The following ARHGAP32 variants were observed in gnomAD, a reference collection of about 807,000 sequenced individuals.
ARHGAP32 encodes the protein rho GTPase-activating protein 32.
Under a neutral mutation model 186.5 loss-of-function variants are expected in ARHGAP32, and 51 were observed. The ratio of observed to expected loss-of-function variants is 0.27; its 90% CI spans 0.22 to 0.35. The LOEUF is 0.35. ARHGAP32 is among the 10% of genes least tolerant of loss of function. The pLI, the probability that ARHGAP32 is intolerant of heterozygous loss-of-function variation, is 1.00. For missense variants in ARHGAP32, 2,186 were observed against 2,623.5 expected, an observed-to-expected ratio of 0.83 and a Z score of 3.64; for synonymous variants, 950 against 964.3, an observed-to-expected ratio of 0.99 and a Z score of 0.27.
chr11:129,240,585 G>A (rs546659923), intron 1 of ARHGAP32, among the ~76,000 whole-genome samples: 1 of 152,180 alleles, frequency 6.6e-6, no homozygotes, highest in African/African-American at 2.4e-5. Context: ...TACTCTTGCG[G>A]GCCAAAGCTG....
chr11:129,220,094 G>C (rs898438977), intron 1 of ARHGAP32, among the ~76,000 whole-genome samples: 5 of 152,154 alleles, frequency 3.3e-5, no homozygotes, highest in Admixed American at 3.3e-4. Flanking sequence ...AACTAGATCA[G>C]ACAGACCAGA....
intron 6 of ARHGAP32, among the ~76,000 whole-genome samples, chr11:129,079,444 T>A (rs774005899): frequency 3.0e-4 from 46 of 152,204 alleles, no homozygotes; most frequent in Admixed American, 2.4e-3. Flanking sequence ...AGCCTCTCTT[T>A]AGCCTCCTGA....
rs140986676 is a variant in ARHGAP32 at position 129,093,228 on chromosome 11, T to C, written c.531+393A>G. The stretch of plus-strand genomic sequence containing the variant: ...ATCATTTAATGTAGTGATCAATAAA[T>C]ATCTTTCCTTTAGTCTTAATAAAAG... On this transcript the variant is annotated intron_variant, in intron 6 of 22. Coordinates refer to ENST00000682385, the MANE Select transcript of ARHGAP32 (RefSeq NM_001378024.1). Among the ~76,000 whole-genome samples the C allele has an allele frequency of 3.6e-3, 545 of 152,186 alleles. 1 individual carries two copies. Among genetic ancestry groups the C allele is most frequent in the African/African-American group, 0.012 (511 of 41,576 alleles).
intron 15 of ARHGAP32, among the ~76,000 whole-genome samples, chr11:128,983,738 G>T (rs1041336913): frequency 6.6e-6 from 1 of 151,376 alleles, no homozygotes; most frequent in Admixed American, 6.6e-5. Context: ...GAAGGTGAAT[G>T]AAGGGAATGA....
At position 129,040,429 on chromosome 11, in the gene ARHGAP32, T is replaced by C. The variant is rs192223158; in HGVS notation, c.1045+499A>G. Among the ~76,000 whole-genome samples the C allele has an allele frequency of 2.8e-3, 432 of 152,294 alleles. 2 individuals carry two copies. The highest frequency in any genetic ancestry group is 9.1e-3 in the African/African-American group (379 of 41,558). On this transcript the variant is annotated intron_variant, in intron 11 of 22. Coordinates refer to ENST00000682385, the MANE Select transcript of ARHGAP32 (RefSeq NM_001378024.1). The stretch of plus-strand genomic sequence containing the variant: ...TCAATAAACACCGAAATTCACATTT[T>C]CTTGATTTTTATCCCCTTCAACAAT...
chr11:129,192,112 A>G lies in ARHGAP32; in HGVS notation c.87T>C (p.Cys29=). ...ESEVIIQVTD[C]EEEEREEKFR... Reference sequence around the variant, plus strand: ...ACTTCTCTTCCCTTTCTTCCTCTTCACAGTCAGTCACCTGGATTATAACTT... The same window carrying G: ...ACTTCTCTTCCCTTTCTTCCTCTTCGCAGTCAGTCACCTGGATTATAACTT... Residue 29 remains cysteine (C), a synonymous_variant, in exon 1 of 23, where the codon TGT becomes TGC. Transcript: ENST00000682385. The G allele has an allele frequency of 1.9e-6, 3 of 1,613,792 alleles. No individual in the cohort carries two copies. The highest frequency in any genetic ancestry group is 2.5e-6 in the Non-Finnish European group (3 of 1,179,738).
At chr11:129,047,778 A>G (rs549853002) in intron 10 of ARHGAP32, among the ~76,000 whole-genome samples, 10 of 152,184 alleles carry the variant, frequency 6.6e-5, no homozygotes, top group Non-Finnish European at 1.5e-4. Flanking sequence ...GCCTGCCAAC[A>G]CCATCCCAGC....
At chr11:129,071,288 C>T (rs965210887) in intron 6 of ARHGAP32, among the ~76,000 whole-genome samples, 20 of 151,722 alleles carry the variant, frequency 1.3e-4, no homozygotes, top group Middle Eastern at 3.4e-3. Flanking sequence ...AAAACCTCCA[C>T]AGATTGGGAA....
At chr11:129,005,875 C>T (rs572939277) in intron 11 of ARHGAP32, among the ~76,000 whole-genome samples, 130 of 152,248 alleles carry the variant, frequency 8.5e-4, no homozygotes, top group Middle Eastern at 3.4e-3. Flanking sequence ...AGGCCAGTAA[C>T]TTAGATATGC....
chr11:129,132,556 A>AATTGAAG (rs1207154456), intron 2 of ARHGAP32, among the ~76,000 whole-genome samples: 1 of 152,158 alleles, frequency 6.6e-6, no homozygotes, highest in Non-Finnish European at 1.5e-5. Flanking sequence ...ACCTATAAAA[A>AATTGAAG]TCTAGATGAA....
chr11:129,230,175 T>C (rs533335811), intron 1 of ARHGAP32, among the ~76,000 whole-genome samples: 5 of 152,094 alleles, frequency 3.3e-5, no homozygotes, highest in African/African-American at 7.2e-5. Flanking sequence ...AATTGGGACA[T>C]TGGGTGGCAC....
chr11:129,020,900 G>GA (rs1254399059), intron 11 of ARHGAP32, among the ~76,000 whole-genome samples: 2 of 151,810 alleles, frequency 1.3e-5, no homozygotes, highest in African/African-American at 2.4e-5. Flanking sequence ...GAAGTAAGAG[G>GA]AAAAAAACAC....
In ARHGAP32 at chr11:128,973,253, T is replaced by C. The variant is rs1229104264; in HGVS notation, c.3253A>G (p.Asn1085Asp). 6.2e-7 allele frequency: 1 copy of C among 1,614,208 alleles called. No individual in the cohort carries two copies. ...GTAGCCACCGCTATGTCTCCATAAT[T>C]TGTATACCCAGCCTGAGAGGTCCCT... The part of the protein sequence containing the change: ...RPGTSQAGYT[N>D]YGDIAVATTE... The change falls in exon 22 of 23, where the codon AAT (asparagine) becomes GAT (aspartate). Residue 1085 changes from asparagine (N) to aspartate (D), a missense_variant. Physicochemically the swap from Asn to Asp is conservative, Grantham distance 23 (BLOSUM62 1). This residue lies in a region of ARHGAP32 where 1,502 missense variants were observed against 1,570.0 expected (regional missense o/e 0.96). Transcript: ENST00000682385.
At chr11:129,253,316 T>C (rs967290165) in intron 1 of ARHGAP32, among the ~76,000 whole-genome samples, 1 of 152,128 alleles carries the variant, frequency 6.6e-6, no homozygotes, top group Admixed American at 6.6e-5. Flanking sequence ...TATGGCTAGG[T>C]AGGTACACAC....
At chr11:129,081,750 G>C (rs1166549235) in intron 6 of ARHGAP32, among the ~76,000 whole-genome samples, 1 of 151,634 alleles carries the variant, frequency 6.6e-6, no homozygotes, top group Non-Finnish European at 1.5e-5. Flanking sequence ...GTCCTAGCTA[G>C]AACTATCAGA....
chr11:129,259,912 C>A (rs1441382128), intron 1 of ARHGAP32, among the ~76,000 whole-genome samples: 1 of 152,082 alleles, frequency 6.6e-6, no homozygotes, highest in Non-Finnish European at 1.5e-5. Flanking sequence ...GGAGTAGGGT[C>A]ATTCAACAAT....
At chr11:129,054,119 A>C (rs943127668) in intron 10 of ARHGAP32, among the ~76,000 whole-genome samples, 6 of 152,170 alleles carry the variant, frequency 3.9e-5, no homozygotes, top group Non-Finnish European at 4.4e-5. Flanking sequence ...TTGTGCACGA[A>C]AACTCACAAT....
intron 10 of ARHGAP32, among the ~76,000 whole-genome samples, chr11:129,054,078 C>A (rs940389754): frequency 3.1e-4 from 46 of 150,348 alleles, no homozygotes; most frequent in Admixed American, 5.3e-4. Context: ...AAAAAAAAAA[C>A]TGTGCTGTCC....
chr11:129,002,657 T>C (rs1200839896), intron 11 of ARHGAP32, among the ~76,000 whole-genome samples: 38 of 152,176 alleles, frequency 2.5e-4, no homozygotes, highest in Non-Finnish European at 5.6e-4. Context: ...GTGGGCATCC[T>C]TGTCATGTTC....
Sources: gnomAD v4.1 joint callset for allele counts (sites outside exome capture counted in the v4.1 genomes callset) on GRCh38, gnomAD v4.1.1 for gene constraint, gnomAD v4.1.1 regional missense constraint, MANE v1.5 for transcripts, NCBI Gene and HGNC (gene_info 2026-07-23, HGNC 2026-07-21) for gene names.